TRPM3: variants seen among roughly 807,000 people sequenced by gnomAD.
TRPM3 encodes long transient receptor potential channel 3.
Under a neutral mutation model 181.2 loss-of-function variants are expected in TRPM3, and 77 were observed. That is an observed-to-expected ratio of 0.42 (90% CI 0.35 to 0.51). TRPM3 has a LOEUF of 0.51. Among genes scored for constraint, TRPM3 ranks in the 20% least tolerant of loss-of-function variants. TRPM3 has a pLI of 0.01. For missense variants in TRPM3, 1,759 were observed against 2,196.7 expected, an observed-to-expected ratio of 0.80 and a Z score of 3.98; for synonymous variants, 745 against 796.4, an observed-to-expected ratio of 0.94 and a Z score of 1.09.
chr9:70,559,993 C>T (rs2048673376), intron 22 of TRPM3, among the ~76,000 whole-genome samples: 1 of 152,156 alleles, frequency 6.6e-6, no homozygotes, highest in African/African-American at 2.4e-5. Context: ...CCAGAAAATC[C>T]TGGTCCTAGT....
intron 1 of TRPM3, among the ~76,000 whole-genome samples, chr9:71,255,682 C>A (rs1215284865): frequency 2.0e-5 from 3 of 152,154 alleles, no homozygotes; most frequent in African/African-American, 7.2e-5. Context: ...CAAAAACATA[C>A]CTTTGCCACC....
chr9:71,319,023 C>CTCTTTTTGCTTTGCTTCTTTCACTT (rs138286517), intron 1 of TRPM3, among the ~76,000 whole-genome samples: 4,818 of 151,700 alleles, frequency 0.032, 248 homozygotes, highest in African/African-American at 0.11. Context: ...ATAGTATGTA[C>CTCTTTTTGCTTTGCTTCTTTCACTT]AAAATTGTGA....
At chr9:71,428,948 G>GAAAAAAAA (rs34737844) in intron 1 of TRPM3, among the ~76,000 whole-genome samples, 1 of 122,000 alleles carries the variant, frequency 8.2e-6, no homozygotes. Flanking sequence ...TGTTTCAAAG[G>GAAAAAAAA]AAAAAAAAAA....
chr9:70,937,036 A>G (rs2096835122), intron 1 of TRPM3, among the ~76,000 whole-genome samples: 1 of 152,236 alleles, frequency 6.6e-6, no homozygotes, highest in Non-Finnish European at 1.5e-5. Context: ...CAACATTAAC[A>G]CAATGAAGAA....
intron 8 of TRPM3, among the ~76,000 whole-genome samples, chr9:70,748,499 C>T (rs1422941779): frequency 6.6e-6 from 1 of 152,088 alleles, no homozygotes; most frequent in African/African-American, 2.4e-5. Flanking sequence ...ATTTGTGTCT[C>T]CTTCAAATTC....
At chr9:70,839,568 A>G (rs1414720535) in intron 5 of TRPM3, among the ~76,000 whole-genome samples, 3 of 152,180 alleles carry the variant, frequency 2.0e-5, no homozygotes, top group Non-Finnish European at 4.4e-5. Context: ...CAGCCCCACA[A>G]AAATAACATA....
At chr9:70,810,514 A>T (rs1305994537) in intron 6 of TRPM3, among the ~76,000 whole-genome samples, 2 of 152,010 alleles carry the variant, frequency 1.3e-5, no homozygotes, top group Non-Finnish European at 2.9e-5. Context: ...TTTCTCCACC[A>T]TCTTGCAACT....
intron 1 of TRPM3, among the ~76,000 whole-genome samples, chr9:71,031,961 A>ATATATATATAT (rs1275729859): frequency 0.013 from 4 of 300 alleles, no homozygotes; most frequent in Admixed American, 0.25. Context: ...ATATATAATT[A>ATATATATATAT]TATATATATA....
chr9:71,410,297 T>TA lies in TRPM3; in HGVS notation c.183+36355dup, dbSNP rs59704208. The stretch of plus-strand genomic sequence containing the variant: ...AGGAGATAGGGTCACAAAAAACACT[T>TA]AAAAAAAAAATCAATGAATCCAGGA... On this transcript the variant is annotated intron_variant, in intron 1 of 24. Coordinates refer to the TRPM3 transcript ENST00000357533. 6.7e-4 allele frequency among the ~76,000 whole-genome samples: 101 copies of TA among 151,752 alleles called. 1 individual carries two copies. The South Asian group carries it at 8.1e-3, about 12-fold the overall frequency.
chr9:71,351,653 T>C (rs1023254217), intron 1 of TRPM3, among the ~76,000 whole-genome samples: 3 of 151,988 alleles, frequency 2.0e-5, no homozygotes, highest in African/African-American at 7.3e-5. Context: ...GGACAAAAAA[T>C]GTTGTGGAAG....
intron 1 of TRPM3, chr9:70,865,419 T>C (rs1376802440): frequency 6.6e-6 from 1 of 152,090 alleles, no homozygotes; most frequent in East Asian, 1.9e-4. Context: ...GCCTTTAAGA[T>C]GGAAGTTGCT....
intron 19 of TRPM3, among the ~76,000 whole-genome samples, chr9:70,604,188 T>C (rs1589180976): frequency 6.6e-6 from 1 of 151,996 alleles, no homozygotes; most frequent in South Asian, 2.1e-4. Context: ...GCTCGTGGGG[T>C]TGAATCCTGA....
chr9:70,781,127 C>T (rs1404667824), intron 7 of TRPM3, among the ~76,000 whole-genome samples: 2 of 151,896 alleles, frequency 1.3e-5, no homozygotes, highest in Non-Finnish European at 2.9e-5. Context: ...AGATCGAGAC[C>T]ATCCTGGCTA....
intron 1 of TRPM3, among the ~76,000 whole-genome samples, chr9:70,918,276 T>G (rs2096621520): frequency 6.6e-6 from 1 of 152,198 alleles, no homozygotes; most frequent in Admixed American, 6.5e-5. Context: ...CAAATAGATC[T>G]AATAGATACT....
At chr9:71,316,733 G>C (rs566089619) in intron 1 of TRPM3, among the ~76,000 whole-genome samples, 138 of 152,250 alleles carry the variant, frequency 9.1e-4, no homozygotes, top group African/African-American at 3.3e-3. Context: ...AGCCCAGTGA[G>C]AGTCACTTAG....
chr9:71,027,216 C>A (rs2056671355), intron 1 of TRPM3, among the ~76,000 whole-genome samples: 1 of 152,136 alleles, frequency 6.6e-6, no homozygotes, highest in Admixed American at 6.5e-5. Context: ...TGAGCCTTGA[C>A]CCCCTCAAAT....
chr9:71,446,367 G>C (rs937077957), intron 1 of TRPM3, among the ~76,000 whole-genome samples: 1 of 152,152 alleles, frequency 6.6e-6, no homozygotes, highest in African/African-American at 2.4e-5. Flanking sequence ...TCTGTTAACT[G>C]CAAAACTCTT....
chr9:71,215,595 C>T (rs1410674788), intron 1 of TRPM3, among the ~76,000 whole-genome samples: 2 of 152,170 alleles, frequency 1.3e-5, no homozygotes, highest in African/African-American at 2.4e-5. Flanking sequence ...TATTGGATTA[C>T]TACTAATGAA....
chr9:71,207,083 T>C (rs994876655), intron 1 of TRPM3, among the ~76,000 whole-genome samples: 1 of 152,092 alleles, frequency 6.6e-6, no homozygotes, highest in Non-Finnish European at 1.5e-5. Flanking sequence ...TCCAGCTGTT[T>C]ATCACAATGT....
Sources: gnomAD v4.1 joint callset for allele counts (sites outside exome capture counted in the v4.1 genomes callset) on GRCh38, gnomAD v4.1.1 for gene constraint, MANE v1.5 for transcripts, NCBI Gene and HGNC (gene_info 2026-07-23, HGNC 2026-07-21) for gene names.